COL9A2: variants seen among roughly 807,000 people sequenced by gnomAD.
COL9A2 encodes the protein collagen type IX alpha 2 chain.
Under a neutral mutation model 111.6 loss-of-function variants are expected in COL9A2, and 66 were observed. The ratio of observed to expected loss-of-function variants is 0.59; its 90% confidence interval spans 0.48 to 0.73. The LOEUF (loss-of-function observed/expected upper bound fraction) is 0.73. Among genes scored for constraint, COL9A2 ranks in the 30% least tolerant of loss-of-function variants. COL9A2 has a pLI of 0.00. For missense variants in COL9A2, 881 were observed against 954.1 expected (o/e 0.92, Z 1.01); for synonymous variants, 353 against 364.1 (o/e 0.97, Z 0.35).
Position 40,305,160 on chromosome 1 carries a change from C to T in COL9A2, c.1108-313G>A, listed in dbSNP as rs373242333. 2.2e-4 allele frequency among the ~76,000 whole-genome samples: 33 copies of T among 151,186 alleles called. 2 individuals are homozygous for T. The highest frequency in any genetic ancestry group is 9.9e-4 in the Admixed American group (15 of 15,202). ...TCCGCTCACTGCAAGCTCCGCCTCC[C>T]GGGTTCATGCCATTCTCCTGCCTCA... On this transcript the variant is annotated intron_variant, in intron 21 of 31. Coordinates refer to ENST00000372748, the MANE Select transcript of COL9A2 (RefSeq NM_001852.4).
At position 40,300,912 on chromosome 1, in the gene COL9A2, G is replaced by A. The variant is rs913822150; in HGVS notation, c.*270C>T. The A allele has an allele frequency of 6.4e-6, 3 of 470,938 alleles. No homozygotes were observed. Among genetic ancestry groups the A allele is most frequent in the African/African-American group, 5.8e-5 (3 of 51,322 alleles). The allele number at this position is 470,938 out of a possible 1,614,324, so 29.2% of individuals were successfully genotyped here. A position where few individuals can be genotyped will look rare whatever the true frequency, so the allele number is the denominator to read the frequency against. ...TTTGTTTTGGTAACAGCCGAATGAT[G>A]CTCGCTGGAAGGAAAGCCGCCCTAT... On this transcript the variant is annotated 3_prime_UTR_variant, in exon 32 of 32. Coordinates refer to ENST00000372748, the MANE Select transcript of COL9A2 (RefSeq NM_001852.4). The surrounding 1 kb of genome is among the most constrained non-coding windows in gnomAD (Gnocchi z 4.4).
rs1389917465 is a variant in COL9A2 at position 40,316,852 on chromosome 1, C to A, written c.75+271G>T. 3.5e-6 allele frequency: 2 copies of A among 569,840 alleles called. No homozygotes were observed. The highest frequency in any genetic ancestry group is 3.2e-6 in the Non-Finnish European group (1 of 316,094). 35.3% of individuals were successfully genotyped at this position (569,840 alleles called of 1,614,324 possible). A position where few individuals can be genotyped will look rare whatever the true frequency, so the allele number is the denominator to read the frequency against. ...GGCTCCCCGGGCTGCCAGGACCGGG[C>A]GCCAGCTCCTGCCCCACGCTGCCTG... On this transcript the variant is annotated intron_variant, in intron 1 of 31. Transcript: ENST00000372748. This position sits in a 1 kb window ranked among gnomAD's most constrained non-coding sequence, Gnocchi z 5.5.
chr1:40,304,586 G>A (rs546444022), intron 22 of COL9A2, 57 bp from the exon 23 acceptor site: 17 of 1,595,758 alleles, frequency 1.1e-5, no homozygotes, highest in East Asian at 6.7e-5. Context: ...GTAGCCTCCC[G>A]CACCGAGGCC....
Position 40,314,495 on chromosome 1 carries a change from C to T in COL9A2, c.151-108G>A. 1 of 1,339,474 alleles carries T rather than the reference C, an allele frequency of 7.5e-7. No individual in the cohort carries two copies. The highest frequency in any genetic ancestry group is 1.7e-5 in the Admixed American group (1 of 58,190). The allele number at this position is 1,339,474 out of a possible 1,614,324, so 83.0% of individuals were successfully genotyped here. A position where few individuals can be genotyped will look rare whatever the true frequency, so the allele number is the denominator to read the frequency against. ...CCAAAGGCTCTCCTCACTCTCCTCT[C>T]TTCTGTCCAGGTCCCCTAAGCCTTG... On this transcript the variant is annotated intron_variant, in intron 2 of 31. Transcript: ENST00000372748. This position sits in a 1 kb window ranked among gnomAD's most constrained non-coding sequence, Gnocchi z 4.1.
At position 40,307,887 on chromosome 1, in the gene COL9A2, A is replaced by C. The variant is rs1644055496; in HGVS notation, c.901-131T>G. The C allele has an allele frequency of 1.1e-6, 1 of 936,472 alleles. No individual in the cohort carries two copies. The allele number at this position is 936,472 out of a possible 1,614,324, so 58.0% of individuals were successfully genotyped here. On this transcript the variant is annotated intron_variant, in intron 17 of 31. Coordinates refer to ENST00000372748, the MANE Select transcript of COL9A2 (RefSeq NM_001852.4). This position sits in a 1 kb window ranked among gnomAD's most constrained non-coding sequence, Gnocchi z 4.8. Reference sequence around the variant, plus strand: ...GGCTCTGGTCATCCCAGGAAGCCCCACTGGCCAACTGGGGGAGGGGAGTTG... The same window carrying C: ...GGCTCTGGTCATCCCAGGAAGCCCCCCTGGCCAACTGGGGGAGGGGAGTTG...
At chr1:40,315,115 T>C (rs1172502760) in intron 2 of COL9A2, 2 of 649,872 alleles carry the variant, frequency 3.1e-6, no homozygotes, top group African/African-American at 4.0e-5. Flanking sequence ...GAATGAGGTA[T>C]TTAACCCTCA....
Position 40,311,540 on chromosome 1 carries a change from GGGCGACCCTGAGA to G in COL9A2, c.472-6_478del. ...GCCTTCCAGACCCTGGATGGTTCCC[GGGCGACCCTGAGA>G]GGAGACATGAAGATGGAGCTTGGCC... On this transcript the variant is annotated splice_acceptor_variant and splice_polypyrimidine_tract_variant and coding_sequence_variant and intron_variant, in exon 10 of 32. Coordinates refer to ENST00000372748, the MANE Select transcript of COL9A2 (RefSeq NM_001852.4). LOFTEE classifies it high-confidence loss of function. This position sits in a 1 kb window ranked among gnomAD's most constrained non-coding sequence, Gnocchi z 5.1. The G allele has an allele frequency of 6.3e-7, 1 of 1,582,746 alleles. No homozygotes were observed. The highest frequency in any genetic ancestry group is 8.6e-7 in the Non-Finnish European group (1 of 1,162,018).
intron 1 of COL9A2, 58 bp from the exon 2 acceptor site, chr1:40,315,722 C>T (rs1016764144): frequency 2.2e-5 from 29 of 1,334,654 alleles, no homozygotes; most frequent in African/African-American, 4.4e-5. Flanking sequence ...CTGGGCGTCC[C>T]CGGGGCTGCA....
In COL9A2 at chr1:40,303,266, C is replaced by T; in HGVS notation, c.1549-81G>A. 7.1e-7 allele frequency: 1 copy of T among 1,407,190 alleles called. No individual in the cohort carries two copies. Among genetic ancestry groups the T allele is most frequent in the African/African-American group, 1.4e-5 (1 of 70,646 alleles). The allele number at this position is 1,407,190 out of a possible 1,614,324, so 87.2% of individuals were successfully genotyped here. ...TATCCCACCTGGCTGAGCGTGAGGC[C>T]GCCATGGAGGAGACTCTGGTGTTGA... On this transcript the variant is annotated intron_variant, in intron 28 of 31. Coordinates refer to ENST00000372748, the MANE Select transcript of COL9A2 (RefSeq NM_001852.4). The surrounding 1 kb of genome is among the most constrained non-coding windows in gnomAD (Gnocchi z 4.6).
chr1:40,301,301 G>A lies in COL9A2; in HGVS notation c.1951C>T (p.Arg651Ter), dbSNP rs754234353. The A allele has an allele frequency of 1.2e-5, 20 of 1,612,336 alleles. No individual in the cohort carries two copies. Among genetic ancestry groups the A allele is most frequent in the Non-Finnish European group, 1.4e-5 (16 of 1,179,062 alleles). ...GSPGAPGEAGRPGLPGPVGLP... is the reference protein window; with the variant it reads ...GSPGAPGEAG The stretch of plus-strand genomic sequence containing the variant: ...CCCACGGGGCCTGGCAGGCCAGGTC[G>A]ACCTGCCTCTCCTGGAGCCCCTGGG... Residue 651 changes from arginine (R) to a stop codon, truncating the protein, a stop_gained, in exon 32 of 32, where the codon CGA (arginine) becomes TGA (stop). Coordinates refer to ENST00000372748, the MANE Select transcript of COL9A2 (RefSeq NM_001852.4). LOFTEE classifies it high-confidence loss of function.
Position 40,312,073 on chromosome 1 carries a change from T to C in COL9A2, c.403A>G (p.Ile135Val), listed in dbSNP as rs754653233. 2.5e-6 allele frequency: 4 copies of C among 1,601,848 alleles called. No individual in the cohort carries two copies. The African/African-American group carries it at 5.3e-5, about 21-fold the overall frequency. The change falls in exon 8 of 32, where the codon ATC becomes GTC. Residue 135 changes from isoleucine (I) to valine (V), a missense_variant. Ile to Val is a conservative substitution (Grantham distance 29). Transcript: ENST00000372748. The surrounding 1 kb of genome is among the most constrained non-coding windows in gnomAD (Gnocchi z 6.0). ...CTGAGGCTCACCTTGGGGCCTCGGA[T>C]TCCAATCTCACCAGGGAGGCCAACA... ...GPVGLPGEIG[I>V]RGPKGDPGPD...
At position 40,312,338 on chromosome 1, in the gene COL9A2, C is replaced by A; in HGVS notation, c.363+118G>T. Reference sequence around the variant, plus strand: ...TGGGTCTCTGGCAGGTCCACTTATTCCTGACACTATCACAGCAAGCTGGCT... The same window carrying A: ...TGGGTCTCTGGCAGGTCCACTTATTACTGACACTATCACAGCAAGCTGGCT... On this transcript the variant is annotated intron_variant, in intron 7 of 31. Coordinates refer to ENST00000372748, the MANE Select transcript of COL9A2 (RefSeq NM_001852.4). The surrounding 1 kb of genome is among the most constrained non-coding windows in gnomAD (Gnocchi z 6.0). 1.4e-6 allele frequency: 2 copies of A among 1,423,464 alleles called. No homozygotes were observed. The highest frequency in any genetic ancestry group is 5.0e-5 in the East Asian group (2 of 40,296). The allele number at this position is 1,423,464 out of a possible 1,614,324, so 88.2% of individuals were successfully genotyped here.
chr1:40,312,875 G>T lies in COL9A2; in HGVS notation c.250-91C>A. ...AGGTTCAAGGGTCCCTCCTGGGTGG[G>T]CCGAGGCTCCTTTTTGCCACACCTC... is the stretch of plus-strand genomic sequence containing the variant. On this transcript the variant is annotated intron_variant, in intron 4 of 31. Coordinates refer to ENST00000372748, the MANE Select transcript of COL9A2 (RefSeq NM_001852.4). The surrounding 1 kb of genome is among the most constrained non-coding windows in gnomAD (Gnocchi z 6.0). 2.5e-6 allele frequency: 3 copies of T among 1,183,876 alleles called. No homozygotes were observed. The highest frequency in any genetic ancestry group is 3.7e-6 in the Non-Finnish European group (3 of 816,386). The allele number at this position is 1,183,876 out of a possible 1,614,324, so 73.3% of individuals were successfully genotyped here.
Position 40,314,164 on chromosome 1 carries a change from G to A in COL9A2, c.249+41C>T. 6.2e-7 allele frequency: 1 copy of A among 1,608,634 alleles called. No homozygotes were observed. Among genetic ancestry groups the A allele is most frequent in the Non-Finnish European group, 8.5e-7 (1 of 1,175,446 alleles). ...AGAGCCAGGCCCTGGAGGTCAATTG[G>A]CAGAGCCCTACCCTGCCCCACCCGA... is the stretch of plus-strand genomic sequence containing the variant. On this transcript the variant is annotated intron_variant, in intron 4 of 31. Coordinates refer to ENST00000372748, the MANE Select transcript of COL9A2 (RefSeq NM_001852.4). The surrounding 1 kb of genome is among the most constrained non-coding windows in gnomAD (Gnocchi z 4.1).
rs1260699705 is a variant in COL9A2 at position 40,314,437 on chromosome 1, A to T, written c.151-50T>A. 3 of 1,612,656 alleles carry T rather than the reference A, an allele frequency of 1.9e-6. No homozygotes were observed. The highest frequency in any genetic ancestry group is 2.5e-6 in the Non-Finnish European group (3 of 1,178,688). Reference sequence around the variant, plus strand: ...AGCACACTACGGCTCACACTACCCCAAGTGGGCACACACAGGCCCTGGCAG... The same window carrying T: ...AGCACACTACGGCTCACACTACCCCTAGTGGGCACACACAGGCCCTGGCAG... On this transcript the variant is annotated intron_variant, in intron 2 of 31. Transcript: ENST00000372748. The surrounding 1 kb of genome is among the most constrained non-coding windows in gnomAD (Gnocchi z 4.1).
In COL9A2 at chr1:40,303,602, AG is replaced by A. The variant is rs1235034147; in HGVS notation, c.1475del (p.Pro492LeufsTer39). On this transcript the variant is annotated frameshift_variant, in exon 28 of 32. Coordinates refer to ENST00000372748, the MANE Select transcript of COL9A2 (RefSeq NM_001852.4). LOFTEE classifies it high-confidence loss of function. This position sits in a 1 kb window ranked among gnomAD's most constrained non-coding sequence, Gnocchi z 4.6. ...CCAGTCCTCGAGGGCCGGGGGGACC[AG>A]GGTAGCCCTGAACCCCTGGGGCGCC... ...DAGAPGVQGYPGPPGPRGLAG... is the reference protein window; with the variant it reads ...DAGAPGVQGYXGPPGPRGLAG... 2 of 1,606,476 alleles carry A rather than the reference AG, an allele frequency of 1.2e-6. No individual in the cohort carries two copies. Among genetic ancestry groups the A allele is most frequent in the Non-Finnish European group, 1.7e-6 (2 of 1,177,438 alleles).
In COL9A2 at chr1:40,310,192, G is replaced by C; in HGVS notation, c.739-28C>G. On this transcript the variant is annotated intron_variant, in intron 14 of 31. Transcript: ENST00000372748. This position sits in a 1 kb window ranked among gnomAD's most constrained non-coding sequence, Gnocchi z 4.9. The stretch of plus-strand genomic sequence containing the variant: ...GGGGAGAGGAAAGGGTTGCAGGTCA[G>C]TCCTGGCTGAACTCCAGGGGCCAGA... 1 of 1,614,050 alleles carries C rather than the reference G, an allele frequency of 6.2e-7. No homozygotes were observed. Among genetic ancestry groups the C allele is most frequent in the Non-Finnish European group, 8.5e-7 (1 of 1,179,910 alleles).
In COL9A2 at chr1:40,307,810, T is replaced by C. The variant is rs1644054498; in HGVS notation, c.901-54A>G. On this transcript the variant is annotated intron_variant, in intron 17 of 31. Transcript: ENST00000372748. The surrounding 1 kb of genome is among the most constrained non-coding windows in gnomAD (Gnocchi z 4.8). Reference sequence around the variant, plus strand: ...TGATAATGCGGAGATGTCTGGGGTCTGGCCACCCACCCCTGTTCCTCTGAG... The same window carrying C: ...TGATAATGCGGAGATGTCTGGGGTCCGGCCACCCACCCCTGTTCCTCTGAG... 2 of 1,582,168 alleles carry C rather than the reference T, an allele frequency of 1.3e-6. No individual in the cohort carries two copies. The highest frequency in any genetic ancestry group is 1.7e-6 in the Non-Finnish European group (2 of 1,152,002).
At position 40,302,750 on chromosome 1, in the gene COL9A2, T is replaced by A; in HGVS notation, c.1663A>T (p.Met555Leu). The change falls in exon 30 of 32, where the codon ATG becomes TTG. Residue 555 changes from methionine (M) to leucine (L), a missense_variant. Met to Leu is a conservative substitution (Grantham distance 15). Transcript: ENST00000372748. The surrounding 1 kb of genome is among the most constrained non-coding windows in gnomAD (Gnocchi z 4.5). ...KREALGAVGM[M>L]GPPGPPGPPG... is the part of the protein sequence containing the mutation. ...GGCCCAGGAGGTCCTGGAGGACCCA[T>A]CATGCCCACCGCACCCAGGGCTTCC... 1 of 1,420,148 alleles carries A rather than the reference T, an allele frequency of 7.0e-7. No individual in the cohort carries two copies. The highest frequency in any genetic ancestry group is 1.2e-5 in the South Asian group (1 of 83,636). The allele number at this position is 1,420,148 out of a possible 1,614,324, so 88.0% of individuals were successfully genotyped here.
Sources: allele counts gnomAD v4.1 joint callset (sites outside exome capture counted in the v4.1 genomes callset), GRCh38; gene constraint gnomAD v4.1.1; non-coding constraint Gnocchi (gnomAD v3.1); transcripts MANE v1.5; gene names NCBI Gene and HGNC (gene_info 2026-07-23, HGNC 2026-07-21).